MACROD2: variants seen among roughly 807,000 people sequenced by gnomAD.
The protein encoded by MACROD2 is ADP-ribose glycohydrolase MACROD2.
Under a neutral mutation model 70.4 loss-of-function variants are expected in MACROD2, and 36 were observed. The observed-to-expected ratio is 0.51, with a 90% confidence interval of 0.39 to 0.68. The LOEUF (loss-of-function observed/expected upper bound fraction) is 0.68. Among genes scored for constraint, MACROD2 ranks in the 30% least tolerant of loss-of-function variants. The pLI, the probability that MACROD2 is intolerant of heterozygous loss-of-function variation, is 0.00. For synonymous variants in MACROD2, 172 were observed against 178.8 expected (o/e 0.96, Z 0.30); for missense variants, 496 against 538.4 (o/e 0.92, Z 0.78).
chr20:16,012,615 T>A (rs780027694), intron 15 of MACROD2, among the ~76,000 whole-genome samples: 6 of 152,228 alleles, frequency 3.9e-5, no homozygotes, highest in Non-Finnish European at 5.9e-5. Context: ...ATGTGTAGTG[T>A]AGAAGAATGA....
At chr20:15,368,342 G>A (rs2045441516) in intron 6 of MACROD2, among the ~76,000 whole-genome samples, 2 of 151,320 alleles carry the variant, frequency 1.3e-5, no homozygotes, top group Non-Finnish European at 2.9e-5. Flanking sequence ...TCTTAAAAAA[G>A]TTTCTGAGAA....
At chr20:14,785,411 C>A (rs2072356688) in intron 5 of MACROD2, among the ~76,000 whole-genome samples, 1 of 151,188 alleles carries the variant, frequency 6.6e-6, no homozygotes, top group Admixed American at 6.6e-5. Context: ...GGATGATAAC[C>A]AGAAAAAATG....
chr20:15,676,200 A>G (rs913432609), intron 8 of MACROD2, among the ~76,000 whole-genome samples: 5 of 152,226 alleles, frequency 3.3e-5, no homozygotes, highest in African/African-American at 4.8e-5. Context: ...AGGAATCTGC[A>G]TCTTATGTGC....
At chr20:14,760,978 T>TGCAGTATC (rs2072008183) in intron 5 of MACROD2, among the ~76,000 whole-genome samples, 1 of 152,120 alleles carries the variant, frequency 6.6e-6, no homozygotes, top group African/African-American at 2.4e-5. Flanking sequence ...TTTGCAGTAT[T>TGCAGTATC]GCAGTATCGA....
intron 5 of MACROD2, among the ~76,000 whole-genome samples, chr20:14,988,237 A>C (rs551529463): frequency 9.3e-5 from 14 of 150,976 alleles, no homozygotes; most frequent in Non-Finnish European, 2.1e-4. Context: ...GGTGGCGTAC[A>C]CCTATAATTT....
chr20:15,459,816 G>GTT (rs961262635), intron 7 of MACROD2, among the ~76,000 whole-genome samples: 13 of 148,458 alleles, frequency 8.8e-5, no homozygotes, highest in African/African-American at 3.2e-4. Flanking sequence ...ATTTGTCCTT[G>GTT]TTTTTTTTTT....
rs148791619 is a variant in MACROD2 at position 14,635,151 on chromosome 20, G to C, written c.302-49692G>C. Among the ~76,000 whole-genome samples, 60 of 152,278 alleles carry C rather than the reference G, an allele frequency of 3.9e-4. No individual in the cohort carries two copies. The East Asian group carries it at 0.011, about 29-fold the overall frequency. Reference sequence around the variant, plus strand: ...CCTAAAGAGGGAGTTTAAAATTGCAGATATCACAGTTATACAATCAGTGTT... The same window carrying C: ...CCTAAAGAGGGAGTTTAAAATTGCACATATCACAGTTATACAATCAGTGTT... On this transcript the variant is annotated intron_variant, in intron 4 of 17. Transcript: ENST00000684519.
chr20:14,084,020 C>T (rs1197344085), intron 2 of MACROD2, among the ~76,000 whole-genome samples: 1 of 134,672 alleles, frequency 7.4e-6, no homozygotes, highest in African/African-American at 2.9e-5. Flanking sequence ...CGAGATCGCG[C>T]CACTGCACTC....
At chr20:14,090,979 G>A (rs2054141040) in intron 3 of MACROD2, among the ~76,000 whole-genome samples, 1 of 152,092 alleles carries the variant, frequency 6.6e-6, no homozygotes, top group South Asian at 2.1e-4. Context: ...TTCCATTTGT[G>A]CTTCCCTAAT....
chr20:15,996,179 G>A (rs2066629376), intron 15 of MACROD2, among the ~76,000 whole-genome samples: 1 of 152,024 alleles, frequency 6.6e-6, no homozygotes, highest in South Asian at 2.1e-4. Flanking sequence ...GTTCTTTCTT[G>A]CCTTTTTAAT....
chr20:14,331,606 T>A (rs1359209859), intron 3 of MACROD2, among the ~76,000 whole-genome samples: 1 of 152,146 alleles, frequency 6.6e-6, no homozygotes, highest in African/African-American at 2.4e-5. Context: ...GCTACTCTCA[T>A]ATGCCCCTGC....
intron 7 of MACROD2, among the ~76,000 whole-genome samples, chr20:15,446,612 CG>C (rs1213707998): frequency 2.0e-5 from 3 of 152,168 alleles, no homozygotes; most frequent in Non-Finnish European, 2.9e-5. Flanking sequence ...ACCAAACTTG[CG>C]AACGCCAGCC....
At chr20:15,073,466 AACACACACACACACACACACACACACAC>A (rs11468103) in intron 5 of MACROD2, among the ~76,000 whole-genome samples, 9 of 144,054 alleles carry the variant, frequency 6.2e-5, no homozygotes, top group Middle Eastern at 7.0e-3. Context: ...TAATTCTCCC[AACACACACACACACACACACACACACAC>A]ACACACACAC....
Position 15,275,950 on chromosome 20 carries a change from A to G in MACROD2, c.540+45889A>G, listed in dbSNP as rs1013559325. Among the ~76,000 whole-genome samples the G allele has an allele frequency of 2.6e-5, 4 of 152,174 alleles. No homozygotes were observed. The East Asian group carries it at 7.7e-4, about 29-fold the overall frequency. Reference sequence around the variant, plus strand: ...TTAAAATGCACTTCAAATGCACAGAAACTTGTAGTGGGAATGCAAGGAGAA... The same window carrying G: ...TTAAAATGCACTTCAAATGCACAGAGACTTGTAGTGGGAATGCAAGGAGAA... On this transcript the variant is annotated intron_variant, in intron 6 of 17. Transcript: ENST00000684519.
At chr20:14,836,612 T>C (rs745874615) in intron 5 of MACROD2, among the ~76,000 whole-genome samples, 3 of 152,052 alleles carry the variant, frequency 2.0e-5, no homozygotes, top group Non-Finnish European at 4.4e-5. Flanking sequence ...ATGAATGTTA[T>C]CCATAGGTTG....
intron 5 of MACROD2, among the ~76,000 whole-genome samples, chr20:15,017,462 T>C (rs897992400): frequency 2.0e-5 from 3 of 152,176 alleles, no homozygotes; most frequent in African/African-American, 7.2e-5. Flanking sequence ...CTGTGGCTTT[T>C]CCAGGTTCAC....
chr20:15,637,466 C>T (rs1387385067), intron 8 of MACROD2, among the ~76,000 whole-genome samples: 1 of 152,244 alleles, frequency 6.6e-6, no homozygotes, highest in Non-Finnish European at 1.5e-5. Context: ...CCAGGGGACC[C>T]TGTGACAAAT....
At chr20:14,892,349 C>T (rs2073772638) in intron 5 of MACROD2, among the ~76,000 whole-genome samples, 1 of 152,000 alleles carries the variant, frequency 6.6e-6, no homozygotes, top group African/African-American at 2.4e-5. Flanking sequence ...GTGGTGCACG[C>T]CTGTAATCCC....
At chr20:14,441,602 C>T (rs930655947) in intron 3 of MACROD2, among the ~76,000 whole-genome samples, 6 of 152,122 alleles carry the variant, frequency 3.9e-5, no homozygotes, top group Non-Finnish European at 5.9e-5. Context: ...CAGAACATTT[C>T]CTTTTCATGA....
Sources: gnomAD v4.1 joint callset for allele counts (sites outside exome capture counted in the v4.1 genomes callset) on GRCh38, gnomAD v4.1.1 for gene constraint, MANE v1.5 for transcripts, NCBI Gene and HGNC (gene_info 2026-07-23, HGNC 2026-07-21) for gene names.